The following NDRG3 variants were observed in gnomAD, a reference collection of about 807,000 sequenced individuals.
NDRG3 encodes protein NDRG3.
NDRG3 carries 23 observed loss-of-function variants against 57.2 expected under a neutral mutation model. The ratio of observed to expected loss-of-function variants is 0.40; its 90% CI spans 0.29 to 0.57. The LOEUF (loss-of-function observed/expected upper bound fraction) is 0.57, where lower values mean the gene tolerates loss of function less well. Ranked by LOEUF, NDRG3 falls within the 20% of genes least tolerant of loss-of-function variation. The pLI is 0.42. For missense variants in NDRG3, 384 were observed against 457.3 expected (o/e 0.84, Z 1.46); for synonymous variants, 132 against 162.6 (o/e 0.81, Z 1.43).
rs980050024 is a variant in NDRG3 at position 36,745,731 on chromosome 20, A to G, written c.-49+314T>C. Among the ~76,000 whole-genome samples the G allele has an allele frequency of 2.0e-5, 3 of 152,174 alleles. No homozygotes were observed. The South Asian group carries it at 6.2e-4, about 32-fold the overall frequency. Reference sequence around the variant, plus strand: ...GCCGCCTGCAGAGCCAGAGCGAGAGAAGGGTTCGCGCCTGCGGGGGGCGTC... The same window carrying G: ...GCCGCCTGCAGAGCCAGAGCGAGAGGAGGGTTCGCGCCTGCGGGGGGCGTC... On this transcript the variant is annotated intron_variant, in intron 1 of 15. Coordinates refer to ENST00000349004, the MANE Select transcript of NDRG3 (RefSeq NM_032013.4).
intron 1 of NDRG3, among the ~76,000 whole-genome samples, chr20:36,735,036 G>A (rs1033144752): frequency 6.6e-6 from 1 of 152,178 alleles, no homozygotes; most frequent in Admixed American, 6.6e-5. Flanking sequence ...GCAAGGAGAT[G>A]AGAAAGCACA....
At chr20:36,711,345 T>C (rs186747223) in intron 2 of NDRG3, among the ~76,000 whole-genome samples, 1 of 151,800 alleles carries the variant, frequency 6.6e-6, no homozygotes, top group Non-Finnish European at 1.5e-5. Flanking sequence ...TGACCTAACC[T>C]TTTAAGGAAT....
At chr20:36,718,115 AATG>A (rs1984380465) in intron 2 of NDRG3, among the ~76,000 whole-genome samples, 1 of 152,230 alleles carries the variant, frequency 6.6e-6, no homozygotes. Flanking sequence ...GGGAGGTTCA[AATG>A]AAGTAATGGA....
Position 36,654,986 on chromosome 20 carries a change from C to G in NDRG3, c.947-1285G>C, listed in dbSNP as rs183330080. On this transcript the variant is annotated intron_variant, in intron 15 of 15. Transcript: ENST00000349004. Reference sequence around the variant, plus strand: ...GGTCCCAGAGAGGAGGTGAGGCTGACAGATACTTCAATAACATCTCAAATG... The same window carrying G: ...GGTCCCAGAGAGGAGGTGAGGCTGAGAGATACTTCAATAACATCTCAAATG... The G allele has an allele frequency of 5.6e-4, 374 of 672,012 alleles. 2 individuals carry two copies. In the African/African-American group the frequency reaches 5.9e-3, roughly 11 times the overall value. The allele number at this position is 672,012 out of a possible 1,614,324, so 41.6% of individuals were successfully genotyped here.
chr20:36,681,365 C>T (rs548325063), intron 7 of NDRG3, among the ~76,000 whole-genome samples: 20 of 152,048 alleles, frequency 1.3e-4, no homozygotes, highest in East Asian at 1.9e-4. Flanking sequence ...TGGCCGGGCA[C>T]GGTGGCTCAC....
chr20:36,728,384 A>G (rs1465740611), intron 1 of NDRG3, among the ~76,000 whole-genome samples: 1 of 152,174 alleles, frequency 6.6e-6, no homozygotes, highest in Non-Finnish European at 1.5e-5. Flanking sequence ...TGCTTTTCCC[A>G]TTACAGGTTG....
chr20:36,666,009 T>G (rs796996154), intron 10 of NDRG3, among the ~76,000 whole-genome samples: 13 of 152,268 alleles, frequency 8.5e-5, no homozygotes, highest in African/African-American at 3.1e-4. Flanking sequence ...ATCTTTCTGA[T>G]TTCAACTAAA....
At chr20:36,664,406 A>G (rs1979445585) in intron 12 of NDRG3, among the ~76,000 whole-genome samples, 1 of 152,206 alleles carries the variant, frequency 6.6e-6, no homozygotes, top group Admixed American at 6.5e-5. Context: ...AGAAGGAGGC[A>G]GAGGTGGCCT....
chr20:36,677,025 C>A (rs996109194), intron 8 of NDRG3, among the ~76,000 whole-genome samples: 1 of 152,230 alleles, frequency 6.6e-6, no homozygotes, highest in African/African-American at 2.4e-5. Context: ...TGGGAACAGG[C>A]AGGATTTGCC....
intron 7 of NDRG3, among the ~76,000 whole-genome samples, chr20:36,681,719 G>T (rs1260340326): frequency 6.6e-6 from 1 of 151,148 alleles, no homozygotes; most frequent in African/African-American, 2.4e-5. Context: ...TTCTTTTTGA[G>T]ACAGAGTTTC....
At chr20:36,735,903 G>T (rs1260870237) in intron 1 of NDRG3, among the ~76,000 whole-genome samples, 1 of 151,558 alleles carries the variant, frequency 6.6e-6, no homozygotes, top group East Asian at 1.9e-4. Context: ...GAACCCAGGG[G>T]GTGGAGGTTG....
At chr20:36,712,588 T>TATATATATATATATATATATA (rs1555804489) in intron 2 of NDRG3, among the ~76,000 whole-genome samples, 1 of 10,950 alleles carries the variant, frequency 9.1e-5, no homozygotes, top group Non-Finnish European at 1.9e-4. Flanking sequence ...TATATATATA[T>TATATATATATATATATATATA]TTTTTTTTTT....
At chr20:36,705,191 G>A (rs1478970432) in intron 3 of NDRG3, among the ~76,000 whole-genome samples, 5 of 151,552 alleles carry the variant, frequency 3.3e-5, no homozygotes, top group Non-Finnish European at 2.9e-5. Flanking sequence ...GTGTGGTGGC[G>A]GGCTCCTGTA....
At chr20:36,677,997 TG>T (rs2063295088) in intron 8 of NDRG3, among the ~76,000 whole-genome samples, 1 of 152,224 alleles carries the variant, frequency 6.6e-6, no homozygotes, top group South Asian at 2.1e-4. Context: ...TACTCTGGTT[TG>T]GGACTGGGAC....
intron 5 of NDRG3, among the ~76,000 whole-genome samples, chr20:36,685,805 T>A (rs1239943510): frequency 6.6e-6 from 1 of 152,140 alleles, no homozygotes; most frequent in Non-Finnish European, 1.5e-5. Context: ...GCCCAGGAGT[T>A]CGAGACCAGC....
intron 3 of NDRG3, 32 bp from the exon 4 acceptor site, chr20:36,688,816 A>T: frequency 6.4e-7 from 1 of 1,558,924 alleles, no homozygotes. Flanking sequence ...TCTCAGAAAA[A>T]GCAGAATGAA....
chr20:36,674,886 ATTTTTTTTTTTTTTTTT>A (rs34146274), intron 8 of NDRG3, among the ~76,000 whole-genome samples: 1 of 39,668 alleles, frequency 2.5e-5, no homozygotes, highest in Non-Finnish European at 4.3e-5. Flanking sequence ...GCCCAGCCAG[ATTTTTTTTTTTTTTTTT>A]TTTTTTTTTT....
chr20:36,719,728 C>T (rs1258753630), intron 2 of NDRG3, among the ~76,000 whole-genome samples: 4 of 151,352 alleles, frequency 2.6e-5, no homozygotes, highest in African/African-American at 9.7e-5. Flanking sequence ...AACACTCCCT[C>T]AGGAAAGGAT....
intron 1 of NDRG3, among the ~76,000 whole-genome samples, chr20:36,730,427 T>C (rs1985212805): frequency 6.6e-6 from 1 of 151,824 alleles, no homozygotes; most frequent in Non-Finnish European, 1.5e-5. Context: ...GGCTAATTTT[T>C]GTTTTTTGGT....
Sources: allele counts gnomAD v4.1 joint callset (sites outside exome capture counted in the v4.1 genomes callset), GRCh38; gene constraint gnomAD v4.1.1; transcripts MANE v1.5; gene names NCBI Gene and HGNC (gene_info 2026-07-23, HGNC 2026-07-21).